LMBRD1: variants seen among roughly 807,000 people sequenced by gnomAD.
LMBRD1 encodes the protein LMBR1 domain containing 1, also known as lysosomal cobalamin transport escort protein LMBD1.
Under a neutral mutation model 74.8 loss-of-function variants are expected in LMBRD1, and 64 were observed. That is an observed-to-expected ratio of 0.86 (90% CI 0.70 to 1.05). The LOEUF (loss-of-function observed/expected upper bound fraction) is 1.05, where lower values mean the gene tolerates loss of function less well. Among genes scored for constraint, LMBRD1 ranks in the 50% least tolerant of loss-of-function variants. LMBRD1 has a pLI of 0.00. For missense variants in LMBRD1, 652 were observed against 645.9 expected (o/e 1.01, Z -0.10); for synonymous variants, 204 against 216.3 (o/e 0.94, Z 0.50).
chr6:69,741,763 T>A (rs754516577), intron 6 of LMBRD1, 26 bp downstream of exon 6: 2 of 1,323,708 alleles, frequency 1.5e-6, no homozygotes, highest in Admixed American at 1.7e-5. Flanking sequence ...TAAACTACTA[T>A]GTTTTTTAAA....
At chr6:69,755,557 C>G (rs1431879292) in intron 3 of LMBRD1, among the ~76,000 whole-genome samples, 1 of 146,620 alleles carries the variant, frequency 6.8e-6, no homozygotes, top group Non-Finnish European at 1.5e-5. Context: ...ATGTAACAAA[C>G]CTGTACATTC....
intron 7 of LMBRD1, among the ~76,000 whole-genome samples, chr6:69,722,200 C>A (rs1199928759): frequency 6.6e-6 from 1 of 152,072 alleles, no homozygotes; most frequent in Non-Finnish European, 1.5e-5. Context: ...GTGAAAATAT[C>A]CTTCAAGTAT....
intron 2 of LMBRD1, among the ~76,000 whole-genome samples, chr6:69,787,566 GA>G (rs576949972): frequency 3.0e-4 from 46 of 152,184 alleles, no homozygotes; most frequent in African/African-American, 1.1e-3. Flanking sequence ...CCAACATGGT[GA>G]AACCCCATCT....
rs538501204 is a variant in LMBRD1, at chr6:69,733,000, T to G, written c.636+4942A>C. On this transcript the variant is annotated intron_variant, in intron 7 of 15. Transcript: ENST00000649934. The stretch of plus-strand genomic sequence containing the variant: ...CTTCTCCTAAAGCTCACTGTCCAAT[T>G]ATTTGGCATTGATTAATACAGGGTA... Among the ~76,000 whole-genome samples the G allele has an allele frequency of 1.6e-4, 24 of 152,320 alleles. 1 individual carries two copies. The highest frequency in any genetic ancestry group is 1.5e-3 in the Admixed American group (23 of 15,292).
chr6:69,735,475 C>A (rs1766956741), intron 7 of LMBRD1, among the ~76,000 whole-genome samples: 1 of 151,450 alleles, frequency 6.6e-6, no homozygotes, highest in Non-Finnish European at 1.5e-5. Flanking sequence ...ATTTGAGGAC[C>A]TGCTGTATTC....
chr6:69,786,264 T>C (rs1011853372), intron 2 of LMBRD1, among the ~76,000 whole-genome samples: 4 of 152,162 alleles, frequency 2.6e-5, no homozygotes, highest in African/African-American at 4.8e-5. Context: ...AGTTCTAAGA[T>C]ACAGTTCCCA....
At position 69,745,907 on chromosome 6, in the gene LMBRD1, C is replaced by T. The variant is rs117491153; in HGVS notation, c.473+3434G>A. The T allele has an allele frequency of 5.9e-3, 1,260 of 212,702 alleles. 5 individuals are homozygous for T. The highest frequency in any genetic ancestry group is 7.7e-3 in the Non-Finnish European group (809 of 104,976). 13.2% of individuals were successfully genotyped at this position (212,702 alleles called of 1,614,324 possible). ...GAAGGCCAGACTAAATGGATTTGGC[C>T]ATAGTGGTGCCTGGTCACCAGAGCT... On this transcript the variant is annotated intron_variant, in intron 5 of 15. Transcript: ENST00000649934.
rs1765074333 is a variant in LMBRD1, at chr6:69,749,539, A to C, written c.406-131T>G. ...TCAATATTGAAACTAAGGTTGAAAA[A>C]CAACCTTAAAATTTAAAGAAAACAG... On this transcript the variant is annotated intron_variant, in intron 4 of 15. Coordinates refer to ENST00000649934, the MANE Select transcript of LMBRD1 (RefSeq NM_018368.4). 1.8e-5 allele frequency: 13 copies of C among 720,416 alleles called. No homozygotes were observed. The South Asian group carries it at 2.0e-4, about 11-fold the overall frequency. The allele number at this position is 720,416 out of a possible 1,614,324, so 44.6% of individuals were successfully genotyped here.
chr6:69,755,233 T>C (rs1472651226), intron 3 of LMBRD1, among the ~76,000 whole-genome samples: 1 of 152,156 alleles, frequency 6.6e-6, no homozygotes, highest in Non-Finnish European at 1.5e-5. Context: ...ATATACACCA[T>C]GGAATACTAT....
Position 69,715,294 on chromosome 6 carries a change from A to G in LMBRD1, c.763-1497T>C, listed in dbSNP as rs140333458. The stretch of plus-strand genomic sequence containing the variant: ...TAATTTTGTCTCAATGCTGGCGTTC[A>G]CTATTTTAGAAAAAAAAATAGTAAA... On this transcript the variant is annotated intron_variant, in intron 8 of 15. Coordinates refer to ENST00000649934, the MANE Select transcript of LMBRD1 (RefSeq NM_018368.4). 4.2e-3 allele frequency among the ~76,000 whole-genome samples: 633 copies of G among 152,208 alleles called. 5 individuals are homozygous for G. The highest frequency in any genetic ancestry group is 0.014 in the African/African-American group (588 of 41,544).
chr6:69,754,284 TA>T (rs34305492), intron 3 of LMBRD1, among the ~76,000 whole-genome samples: 32,175 of 149,990 alleles, frequency 0.21, 5,074 homozygotes, highest in African/African-American at 0.43. Flanking sequence ...GTTAAGATGG[TA>T]AAAAAAAAAT....
At chr6:69,694,881 C>T (rs1292161683) in intron 14 of LMBRD1, among the ~76,000 whole-genome samples, 7 of 152,086 alleles carry the variant, frequency 4.6e-5, no homozygotes, top group Admixed American at 4.6e-4. Context: ...TTTCCTAATC[C>T]CCTTCATAGG....
intron 14 of LMBRD1, among the ~76,000 whole-genome samples, chr6:69,676,857 G>C (rs1004946460): frequency 2.0e-5 from 3 of 152,022 alleles, no homozygotes; most frequent in African/African-American, 7.2e-5. Context: ...TTTTTACTTG[G>C]AGTGTCAGAC....
chr6:69,719,022 A>G lies in LMBRD1; in HGVS notation c.696T>C (p.Tyr232=), dbSNP rs1766554512. ...NLIKGTRSAA[Y]ERLENTEDIE... is the part of the protein sequence containing the mutation. ...TGTCTTCAGTGTTTTCCAAACGTTC[A>G]TAAGCAGCGCTTCTAGTGCCTTTTA... is the stretch of plus-strand genomic sequence containing the variant. The change falls in exon 8 of 16, where the codon TAT becomes TAC. Residue 232 remains tyrosine, a synonymous_variant. Transcript: ENST00000649934. 1 of 1,613,184 alleles carries G rather than the reference A, an allele frequency of 6.2e-7. No individual in the cohort carries two copies. The highest frequency in any genetic ancestry group is 1.3e-5 in the African/African-American group (1 of 74,910).
At chr6:69,696,570 T>C (rs921973) in intron 14 of LMBRD1, among the ~76,000 whole-genome samples, 65,323 of 151,714 alleles carry the variant, frequency 0.43, 14,538 homozygotes, top group Non-Finnish European at 0.49. Context: ...TTTAAGGTAA[T>C]TGTTTGTACA....
chr6:69,687,562 G>A (rs1266580004), intron 14 of LMBRD1, among the ~76,000 whole-genome samples: 2 of 152,048 alleles, frequency 1.3e-5, no homozygotes, highest in Non-Finnish European at 2.9e-5. Flanking sequence ...TGGAAATTAA[G>A]ACATTTATAA....
rs576019173 is a variant in LMBRD1, at chr6:69,771,237, C to T, written c.307+9257G>A. 2.0e-5 allele frequency among the ~76,000 whole-genome samples: 3 copies of T among 152,222 alleles called. No homozygotes were observed. In the East Asian group the frequency reaches 5.8e-4, roughly 29 times the overall value. ...ATGCAGCAGTTATCCCAAGGCTTGA[C>T]TGGGGAAGAACCTGCTTCCAGGTTC... On this transcript the variant is annotated intron_variant, in intron 3 of 15. Coordinates refer to ENST00000649934, the MANE Select transcript of LMBRD1 (RefSeq NM_018368.4).
At chr6:69,732,220 C>A (rs983147972) in intron 7 of LMBRD1, among the ~76,000 whole-genome samples, 10 of 152,102 alleles carry the variant, frequency 6.6e-5, no homozygotes, top group African/African-American at 2.4e-4. Context: ...ATGTTGAAAT[C>A]TAATCCCCAG....
chr6:69,773,344 G>A (rs902589701), intron 3 of LMBRD1, among the ~76,000 whole-genome samples: 11 of 152,084 alleles, frequency 7.2e-5, no homozygotes, highest in African/African-American at 2.4e-4. Context: ...CCAGAACTAT[G>A]AGCCAATAAA....
Sources: gnomAD v4.1 joint callset for allele counts (sites outside exome capture counted in the v4.1 genomes callset) on GRCh38, gnomAD v4.1.1 for gene constraint, MANE v1.5 for transcripts, NCBI Gene and HGNC (gene_info 2026-07-23, HGNC 2026-07-21) for gene names.